SNRNP200: variants seen among roughly 807,000 people sequenced by gnomAD.
The protein encoded by SNRNP200 is U5 small nuclear ribonucleoprotein 200 kDa helicase.
Under a neutral mutation model 255.2 loss-of-function variants are expected in SNRNP200, and 66 were observed. The ratio of observed to expected loss-of-function variants is 0.26; its 90% CI spans 0.21 to 0.32. The LOEUF is 0.32. Among genes scored for constraint, SNRNP200 ranks in the 10% least tolerant of loss-of-function variants. SNRNP200 has a pLI of 1.00. For missense variants in SNRNP200, 1,585 were observed against 2,749.8 expected, an observed-to-expected ratio of 0.58 and a Z score of 9.47; for synonymous variants, 939 against 1,027.8, an observed-to-expected ratio of 0.91 and a Z score of 1.65.
chr2:96,292,093 T>C (rs1182289850), intron 16 of SNRNP200, among the ~76,000 whole-genome samples, 193 bp from the exon 17 acceptor site: 1 of 152,160 alleles, frequency 6.6e-6, no homozygotes, highest in Non-Finnish European at 1.5e-5. Context: ...ACCCACCAAG[T>C]TCACAGTCCT....
intron 34 of SNRNP200, 50 bp from the exon 35 acceptor site, chr2:96,281,972 A>G (rs1684768820): frequency 7.0e-7 from 1 of 1,429,222 alleles, no homozygotes; most frequent in Non-Finnish European, 9.9e-7. Context: ...CTCCGGGTGA[A>G]GTAGGCTCAC....
At chr2:96,303,090 G>A in intron 3 of SNRNP200, 69 bp downstream of exon 3, 1 of 1,537,180 alleles carries the variant, frequency 6.5e-7, no homozygotes, top group Non-Finnish European at 9.0e-7. Flanking sequence ...AAGATTCCAA[G>A]GATCTTAGAA....
At chr2:96,285,122 C>T (rs1009930930) in intron 30 of SNRNP200, 58 bp downstream of exon 30, 13 of 1,587,712 alleles carry the variant, frequency 8.2e-6, no homozygotes, top group Non-Finnish European at 1.1e-5. Flanking sequence ...AGCCTTCATA[C>T]GGAATCACAG....
In SNRNP200 at chr2:96,283,661, A is replaced by G; in HGVS notation, c.4637T>C (p.Val1546Ala). ...QTRLLSMAKP[V>A]YHAITKHSPK... ...CGAGTGCTTGGTGATAGCATGGTAC[A>G]CAGGCTTGGCCATGGAGAGCAGGCG... Residue 1546 changes from valine (V) to alanine (A), a missense_variant, in exon 33 of 45, where the codon GTG becomes GCG. Val to Ala is a moderately conservative substitution (Grantham distance 64). Transcript: ENST00000323853. This position sits in a 1 kb window ranked among gnomAD's most constrained non-coding sequence, Gnocchi z 4.7. 1 of 1,614,174 alleles carries G rather than the reference A, an allele frequency of 6.2e-7. No homozygotes were observed. Among genetic ancestry groups the G allele is most frequent in the Non-Finnish European group, 8.5e-7 (1 of 1,180,038 alleles).
chr2:96,287,274 G>A lies in SNRNP200; in HGVS notation c.3485-114C>T. 7.1e-7 allele frequency: 1 copy of A among 1,404,980 alleles called. No individual in the cohort carries two copies. Among genetic ancestry groups the A allele is most frequent in the South Asian group, 1.2e-5 (1 of 86,076 alleles). The allele number at this position is 1,404,980 out of a possible 1,614,324, so 87.0% of individuals were successfully genotyped here. A position where few individuals can be genotyped will look rare whatever the true frequency, so the allele number is the denominator to read the frequency against. ...GGGTCTTCCCTTTATGGTCAGTGGA[G>A]CCCAGGATTCCAAGTCCCCAGACCA... On this transcript the variant is annotated intron_variant, in intron 26 of 44. Transcript: ENST00000323853. This position sits in a 1 kb window ranked among gnomAD's most constrained non-coding sequence, Gnocchi z 5.7.
chr2:96,277,185 C>T lies in SNRNP200; in HGVS notation c.5988G>A (p.Leu1996=), dbSNP rs1684680733. 1.9e-6 allele frequency: 3 copies of T among 1,614,182 alleles called. No individual in the cohort carries two copies. The highest frequency in any genetic ancestry group is 2.5e-6 in the Non-Finnish European group (3 of 1,180,008). The change falls in exon 42 of 45, where the codon TTG becomes TTA. Residue 1996 remains leucine (L), a synonymous_variant. Transcript: ENST00000323853. The surrounding 1 kb of genome is among the most constrained non-coding windows in gnomAD (Gnocchi z 4.4). ...MEMEDEERNA[L]LQLTDSQIAD... ...CAATCTGGCTGTCAGTCAGCTGAAGCAACGCGTTCCGTTCTTCATCCTCCA... is the reference window on the plus strand; with the variant it reads ...CAATCTGGCTGTCAGTCAGCTGAAGTAACGCGTTCCGTTCTTCATCCTCCA...
chr2:96,304,545 G>A (rs140991230), intron 2 of SNRNP200, among the ~76,000 whole-genome samples, 160 bp downstream of exon 2: 2 of 152,118 alleles, frequency 1.3e-5, no homozygotes, highest in African/African-American at 4.8e-5. Context: ...ACTTGTTAAG[G>A]CCAAAAAATC....
rs762481661 is a variant in SNRNP200 at position 96,298,321 on chromosome 2, T to G, written c.1082A>C (p.Tyr361Ser). 3.1e-6 allele frequency: 5 copies of G among 1,614,120 alleles called. No homozygotes were observed. The highest frequency in any genetic ancestry group is 4.2e-6 in the Non-Finnish European group (5 of 1,180,046). The stretch of plus-strand genomic sequence containing the variant: ...CTCCTTCTCGGTTTCATGAAGCTGG[T>G]AGAGGAACTTGGATAGCTCTGGGTC... Reference protein sequence around the residue: ...EADPELSKFLYQLHETEKEDL... With the variant: ...EADPELSKFLSQLHETEKEDL... Residue 361 changes from tyrosine to serine, a missense_variant, in exon 9 of 45, where the codon TAC (tyrosine) becomes TCC (serine). Around this residue, in one of 9 missense-constraint regions of SNRNP200, gnomAD observed 383 missense variants for 645.3 expected, o/e 0.59. Transcript: ENST00000323853.
Position 96,287,634 on chromosome 2 carries a change from G to A in SNRNP200, c.3366-77C>T. 1 of 1,114,292 alleles carries A rather than the reference G, an allele frequency of 9.0e-7. No homozygotes were observed. The allele number at this position is 1,114,292 out of a possible 1,614,324, so 69.0% of individuals were successfully genotyped here. ...ACCACCCACTTCATGGCTTCCAATA[G>A]TTTAGCAGTGACTACACAAAACACA... On this transcript the variant is annotated intron_variant, in intron 25 of 44. Coordinates refer to ENST00000323853, the MANE Select transcript of SNRNP200 (RefSeq NM_014014.5). This position sits in a 1 kb window ranked among gnomAD's most constrained non-coding sequence, Gnocchi z 5.7.
rs1021437954 is a variant in SNRNP200, at chr2:96,301,803, G to C, written c.382-87C>G. On this transcript the variant is annotated intron_variant, in intron 3 of 44. Transcript: ENST00000323853. ...GGTGTATGTGGCGGCAGGATGTGAA[G>C]AGCCACACCTCTTCAAAACCTGCCA... is the stretch of plus-strand genomic sequence containing the variant. 5.7e-6 allele frequency: 8 copies of C among 1,412,866 alleles called. No individual in the cohort carries two copies. The African/African-American group carries it at 9.8e-5, about 17-fold the overall frequency. 87.5% of individuals were successfully genotyped at this position (1,412,866 alleles called of 1,614,324 possible). A position where few individuals can be genotyped will look rare whatever the true frequency, so the allele number is the denominator to read the frequency against.
intron 14 of SNRNP200, 137 bp downstream of exon 14, chr2:96,295,351 C>G: frequency 6.8e-7 from 1 of 1,462,954 alleles, no homozygotes; most frequent in East Asian, 2.3e-5. Context: ...TGGATCTCAT[C>G]CTACGGAATT....
chr2:96,277,343 C>A lies in SNRNP200; in HGVS notation c.5932-102G>T. 7.3e-7 allele frequency: 1 copy of A among 1,369,032 alleles called. No individual in the cohort carries two copies. Among genetic ancestry groups the A allele is most frequent in the South Asian group, 1.2e-5 (1 of 85,106 alleles). 84.8% of individuals were successfully genotyped at this position (1,369,032 alleles called of 1,614,324 possible). On this transcript the variant is annotated intron_variant, in intron 41 of 44. Transcript: ENST00000323853. This position sits in a 1 kb window ranked among gnomAD's most constrained non-coding sequence, Gnocchi z 4.4. The stretch of plus-strand genomic sequence containing the variant: ...AATTTTACCTCCTACACTATCAAGT[C>A]ATCTAGATAAAACAGCTGCAGAAAG...
At chr2:96,300,291 G>A (rs1431444602) in intron 5 of SNRNP200, among the ~76,000 whole-genome samples, 1 of 152,122 alleles carries the variant, frequency 6.6e-6, no homozygotes, top group Non-Finnish European at 1.5e-5. Context: ...TACAAACTAT[G>A]TCTGTGCTCT....
rs144907970 is a variant in SNRNP200, at chr2:96,284,651, G to A, written c.4165-66C>T. 5.8e-5 allele frequency: 64 copies of A among 1,109,844 alleles called. 1 individual carries two copies. In the African/African-American group the frequency reaches 9.3e-4, roughly 16 times the overall value. The allele number at this position is 1,109,844 out of a possible 1,614,324, so 68.7% of individuals were successfully genotyped here. A position where few individuals can be genotyped will look rare whatever the true frequency, so the allele number is the denominator to read the frequency against. ...ACCAGGCATCTTTCACTTATGTGAGGAAAACCTGAGATGCCAAACAGACCT... is the reference window on the plus strand; with the variant it reads ...ACCAGGCATCTTTCACTTATGTGAGAAAAACCTGAGATGCCAAACAGACCT... On this transcript the variant is annotated intron_variant, in intron 30 of 44. Transcript: ENST00000323853.
Position 96,290,350 on chromosome 2 carries a change from C to A in SNRNP200, c.2718G>T (p.Val906=). Residue 906 remains valine, a synonymous_variant, in exon 20 of 45, where the codon GTG becomes GTT. Transcript: ENST00000323853. The surrounding 1 kb of genome is among the most constrained non-coding windows in gnomAD (Gnocchi z 4.5). The part of the protein sequence containing the change: ...KLPDMLNAEI[V]LGNVQNAKDA... ...CCTTGGCATTCTGGACATTTCCTAG[C>A]ACGATTTCTGCATTGAGCATGTCAG... 6.2e-7 allele frequency: 1 copy of A among 1,614,134 alleles called. No individual in the cohort carries two copies. Among genetic ancestry groups the A allele is most frequent in the Non-Finnish European group, 8.5e-7 (1 of 1,180,032 alleles).
At position 96,277,325 on chromosome 2, in the gene SNRNP200, C is replaced by T. The variant is rs575505098; in HGVS notation, c.5932-84G>A. On this transcript the variant is annotated intron_variant, in intron 41 of 44. Transcript: ENST00000323853. The surrounding 1 kb of genome is among the most constrained non-coding windows in gnomAD (Gnocchi z 4.4). Reference sequence around the variant, plus strand: ...AGGCAGCAAAGAGCTACTAATTTTACCTCCTACACTATCAAGTCATCTAGA... The same window carrying T: ...AGGCAGCAAAGAGCTACTAATTTTATCTCCTACACTATCAAGTCATCTAGA... 13 of 1,452,684 alleles carry T rather than the reference C, an allele frequency of 8.9e-6. No individual in the cohort carries two copies. The South Asian group carries it at 1.5e-4, about 17-fold the overall frequency. The allele number at this position is 1,452,684 out of a possible 1,614,324, so 90.0% of individuals were successfully genotyped here. A position where few individuals can be genotyped will look rare whatever the true frequency, so the allele number is the denominator to read the frequency against.
Position 96,278,328 on chromosome 2 carries a change from G to T in SNRNP200, c.5519C>A (p.Thr1840Asn). The change falls in exon 39 of 45, where the codon ACC becomes AAC. Residue 1840 changes from threonine to asparagine, a missense_variant. By Grantham distance (65) the Thr-to-Asn change is moderately conservative. Coordinates refer to ENST00000323853, the MANE Select transcript of SNRNP200 (RefSeq NM_014014.5). The surrounding 1 kb of genome is among the most constrained non-coding windows in gnomAD (Gnocchi z 6.9). ...GATCTCGATAAGCCCTCGCACCTTG[G>T]TCTTGGCATTGAGGGACATGCTGAA... Reference protein sequence around the residue: ...ELFSMSLNAKTKVRGLIEIIS... With the variant: ...ELFSMSLNAKNKVRGLIEIIS... 1 of 1,614,154 alleles carries T rather than the reference G, an allele frequency of 6.2e-7. No individual in the cohort carries two copies. Among genetic ancestry groups the T allele is most frequent in the Non-Finnish European group, 8.5e-7 (1 of 1,180,030 alleles).
intron 9 of SNRNP200, 81 bp downstream of exon 9, chr2:96,298,203 A>C: frequency 6.3e-7 from 1 of 1,592,898 alleles, no homozygotes; most frequent in Admixed American, 1.7e-5. Flanking sequence ...TTCCACTTTT[A>C]ACATGAATTT....
At position 96,290,038 on chromosome 2, in the gene SNRNP200, T is replaced by G. The variant is rs376016038; in HGVS notation, c.2743-42A>C. On this transcript the variant is annotated intron_variant, in intron 20 of 44. Coordinates refer to ENST00000323853, the MANE Select transcript of SNRNP200 (RefSeq NM_014014.5). This position sits in a 1 kb window ranked among gnomAD's most constrained non-coding sequence, Gnocchi z 4.5. ...ATGGTTCTTAGCATGGAGAAACTCT[T>G]GATGTCCAAATGACAGGCTCCCATG... 3.2e-6 allele frequency: 5 copies of G among 1,585,540 alleles called. No individual in the cohort carries two copies. The highest frequency in any genetic ancestry group is 4.3e-6 in the Non-Finnish European group (5 of 1,154,182).
Sources: gnomAD v4.1 joint callset for allele counts (sites outside exome capture counted in the v4.1 genomes callset) on GRCh38, gnomAD v4.1.1 for gene constraint, gnomAD v4.1.1 regional missense constraint, Gnocchi (gnomAD v3.1) non-coding constraint, MANE v1.5 for transcripts, NCBI Gene and HGNC (gene_info 2026-07-23, HGNC 2026-07-21) for gene names.